Variants in GALNTL6 observed in about 807,000 individuals in gnomAD.
The protein encoded by GALNTL6 is polypeptide N-acetylgalactosaminyltransferase like 6.
GALNTL6 carries 46 observed loss-of-function variants against 73.7 expected under a neutral mutation model. That is an observed-to-expected ratio of 0.62 (90% CI 0.49 to 0.80). The LOEUF (loss-of-function observed/expected upper bound fraction) is 0.80, where lower values mean the gene tolerates loss of function less well. GALNTL6 is among the 30% of genes least tolerant of loss of function. The pLI, the probability that GALNTL6 is intolerant of heterozygous loss-of-function variation, is 0.00. For synonymous variants in GALNTL6, 259 were observed against 263.7 expected (o/e 0.98, Z 0.17); for missense variants, 604 against 755.0 (o/e 0.80, Z 2.34).
intron 12 of GALNTL6, among the ~76,000 whole-genome samples, chr4:173,022,356 T>C (rs1025562022): frequency 7.9e-5 from 12 of 152,364 alleles, no homozygotes; most frequent in African/African-American, 2.6e-4. Flanking sequence ...GTTATATGTG[T>C]GGCCATCACA....
At chr4:172,700,636 C>G (rs1162084828) in intron 5 of GALNTL6, among the ~76,000 whole-genome samples, 1 of 152,058 alleles carries the variant, frequency 6.6e-6, no homozygotes, top group Non-Finnish European at 1.5e-5. Context: ...GGTGACCCAT[C>G]CCAAAGGAAT....
intron 5 of GALNTL6, among the ~76,000 whole-genome samples, chr4:172,446,815 G>T (rs975034467): frequency 1.3e-5 from 2 of 152,152 alleles, no homozygotes; most frequent in Non-Finnish European, 2.9e-5. Context: ...AGCCCAGGAA[G>T]AACCCCTAAA....
chr4:172,997,647 G>A (rs116502965), intron 10 of GALNTL6, among the ~76,000 whole-genome samples: 2 of 152,138 alleles, frequency 1.3e-5, no homozygotes, highest in African/African-American at 4.8e-5. Flanking sequence ...GGTGAGTGGG[G>A]GCAGGGGGAA....
intron 7 of GALNTL6, among the ~76,000 whole-genome samples, chr4:172,818,927 A>G (rs1741769925): frequency 6.6e-6 from 1 of 152,148 alleles, no homozygotes; most frequent in South Asian, 2.1e-4. Context: ...CTCAGAAACC[A>G]CTATGTTCCA....
intron 2 of GALNTL6, among the ~76,000 whole-genome samples, chr4:172,221,685 G>A (rs1355532704): frequency 6.6e-6 from 1 of 151,670 alleles, no homozygotes; most frequent in Non-Finnish European, 1.5e-5. Flanking sequence ...AAGGTATGCA[G>A]CTGCATAGCA....
At chr4:172,289,864 G>C (rs900739166) in intron 3 of GALNTL6, among the ~76,000 whole-genome samples, 8 of 152,110 alleles carry the variant, frequency 5.3e-5, no homozygotes, top group African/African-American at 1.9e-4. Context: ...TGTACTTTTG[G>C]AAAGAGACTT....
At chr4:172,058,929 G>A (rs1173360729) in intron 2 of GALNTL6, among the ~76,000 whole-genome samples, 5 of 152,072 alleles carry the variant, frequency 3.3e-5, no homozygotes, top group Non-Finnish European at 5.9e-5. Flanking sequence ...TTACATCCCA[G>A]CCACTAAAAT....
At chr4:172,669,612 T>A (rs967062589) in intron 5 of GALNTL6, among the ~76,000 whole-genome samples, 1 of 152,238 alleles carries the variant, frequency 6.6e-6, no homozygotes, top group African/African-American at 2.4e-5. Flanking sequence ...TTTGTAAGTG[T>A]TCTTTTAATA....
intron 2 of GALNTL6, among the ~76,000 whole-genome samples, chr4:171,955,416 T>C (rs1739013845): frequency 6.6e-6 from 1 of 151,822 alleles, no homozygotes; most frequent in African/African-American, 2.4e-5. Flanking sequence ...ACACATACAG[T>C]TGACCCCCGA....
intron 5 of GALNTL6, among the ~76,000 whole-genome samples, chr4:172,665,513 G>C (rs906396058): frequency 6.6e-6 from 1 of 152,188 alleles, no homozygotes; most frequent in Non-Finnish European, 1.5e-5. Flanking sequence ...ATTGATGATG[G>C]TTGCTAATAG....
chr4:172,583,725 C>T (rs1737282977), intron 5 of GALNTL6, among the ~76,000 whole-genome samples: 1 of 151,222 alleles, frequency 6.6e-6, no homozygotes, highest in Non-Finnish European at 1.5e-5. Flanking sequence ...CATGGTGAAA[C>T]CCCATCTCTA....
intron 3 of GALNTL6, among the ~76,000 whole-genome samples, chr4:172,245,028 A>T (rs1239499429): frequency 1.3e-5 from 2 of 152,188 alleles, no homozygotes; most frequent in East Asian, 3.8e-4. Flanking sequence ...TGCTGAAGGA[A>T]CACGGTATCT....
At chr4:171,970,517 T>C (rs759203444) in intron 2 of GALNTL6, among the ~76,000 whole-genome samples, 2 of 152,242 alleles carry the variant, frequency 1.3e-5, no homozygotes, top group East Asian at 1.9e-4. Flanking sequence ...AAATTTCATA[T>C]CAGTTTTCAA....
At chr4:172,341,674 T>C (rs1023158565) in intron 4 of GALNTL6, among the ~76,000 whole-genome samples, 5 of 152,036 alleles carry the variant, frequency 3.3e-5, no homozygotes, top group Non-Finnish European at 7.4e-5. Flanking sequence ...AACAGGAGTT[T>C]CTCTGCACAG....
At chr4:172,922,446 C>T (rs886117263) in intron 8 of GALNTL6, among the ~76,000 whole-genome samples, 2 of 152,154 alleles carry the variant, frequency 1.3e-5, no homozygotes, top group South Asian at 4.2e-4. Context: ...ACACTAATAC[C>T]TAAATCCATC....
At chr4:171,848,496 C>G (rs1280963603) in intron 2 of GALNTL6, among the ~76,000 whole-genome samples, 1 of 152,174 alleles carries the variant, frequency 6.6e-6, no homozygotes, top group Non-Finnish European at 1.5e-5. Context: ...TCCTCTCTAT[C>G]TATGATATTT....
At chr4:171,888,525 C>T (rs976843933) in intron 2 of GALNTL6, among the ~76,000 whole-genome samples, 14 of 151,902 alleles carry the variant, frequency 9.2e-5, no homozygotes, top group African/African-American at 3.4e-4. Flanking sequence ...GCTTGTCAAA[C>T]AGAAACTAGG....
intron 2 of GALNTL6, among the ~76,000 whole-genome samples, chr4:171,948,962 TACACAC>T (rs3080339): frequency 8.1e-5 from 10 of 123,608 alleles, no homozygotes; most frequent in South Asian, 2.7e-4. Context: ...CATATATATA[TACACAC>T]ACACACACAC....
intron 5 of GALNTL6, among the ~76,000 whole-genome samples, chr4:172,483,185 A>T (rs1364750143): frequency 1.3e-5 from 2 of 152,130 alleles, no homozygotes; most frequent in Non-Finnish European, 2.9e-5. Flanking sequence ...TGGAGCACTT[A>T]CTCAAGTATA....
Sources: gnomAD v4.1 joint callset for allele counts (sites outside exome capture counted in the v4.1 genomes callset) on GRCh38, gnomAD v4.1.1 for gene constraint, MANE v1.5 for transcripts, NCBI Gene and HGNC (gene_info 2026-07-23, HGNC 2026-07-21) for gene names.